The following ABR variants were observed in gnomAD, a reference collection of about 807,000 sequenced individuals.
ABR encodes active breakpoint cluster region-related protein.
A neutral mutation model predicts 107.2 loss-of-function variants in ABR; 35 were observed. That is an observed-to-expected ratio of 0.33 (90% CI 0.25 to 0.43). ABR has a LOEUF of 0.43. ABR is among the 20% of genes least tolerant of loss of function. The probability of loss-of-function intolerance (pLI) is 1.00; values close to 1 mark genes in which losing one functional copy is unlikely to be tolerated. For missense variants in ABR, 815 were observed against 1,115.2 expected (o/e 0.73, Z 3.83); for synonymous variants, 498 against 462.0 (o/e 1.08, Z -1.00).
intron 3 of ABR, among the ~76,000 whole-genome samples, chr17:1,098,427 G>C (rs2037633625): frequency 6.6e-6 from 1 of 152,104 alleles, no homozygotes; most frequent in South Asian, 2.1e-4. Flanking sequence ...CATGGGCCCG[G>C]CAATTACATA....
chr17:1,034,932 G>C (rs1307331526), intron 16 of ABR, among the ~76,000 whole-genome samples: 2 of 152,078 alleles, frequency 1.3e-5, no homozygotes, highest in Non-Finnish European at 2.9e-5. Flanking sequence ...AGGTACCACA[G>C]GCTCAATACT....
intron 1 of ABR, among the ~76,000 whole-genome samples, chr17:1,163,432 C>T (rs1232468752): frequency 3.3e-5 from 5 of 152,122 alleles, no homozygotes; most frequent in Admixed American, 6.6e-5. Context: ...ATGAGCAAGA[C>T]GCATCCAGGT....
rs750224299 is a variant in ABR at position 1,012,182 on chromosome 17, A to T, written c.1962-197T>A. 73 of 839,850 alleles carry T rather than the reference A, an allele frequency of 8.7e-5. 3 individuals carry two copies. In the Middle Eastern group the frequency reaches 7.6e-3, roughly 87 times the overall value. The allele number at this position is 839,850 out of a possible 1,614,324, so 52.0% of individuals were successfully genotyped here. On this transcript the variant is annotated intron_variant, in intron 18 of 22. Transcript: ENST00000302538. ...CCCACCCGAGGCCTGCCGAAGGGGC[A>T]TCGACGGACGTGGGCAGGAGAAGCC...
intron 16 of ABR, among the ~76,000 whole-genome samples, chr17:1,014,750 G>A (rs59339617): frequency 0.041 from 6,195 of 151,948 alleles, 174 homozygotes; most frequent in African/African-American, 0.081. Context: ...GGAGGCTGAG[G>A]CAGGAGAATG....
At chr17:1,186,571 C>T (rs945978536) in intron 1 of ABR, among the ~76,000 whole-genome samples, 16 of 152,240 alleles carry the variant, frequency 1.1e-4, no homozygotes, top group African/African-American at 3.9e-4. Context: ...GCCCCGTTCC[C>T]ATGGCCAGGG....
Position 1,091,788 on chromosome 17 carries a change from G to A in ABR, c.408C>T (p.Ile136=), listed in dbSNP as rs757313966. ...CCTGGATCTTGTAGAAGATGGTCTC[G>A]ATCTGCTGGATGGTGAGCACGGGCT... The part of the protein sequence containing the change: ...TSQPVLTIQQ[I]ETIFYKIQDI... Residue 136 remains isoleucine (I), a synonymous_variant, in exon 4 of 23, where the codon ATC becomes ATT. Coordinates refer to ENST00000302538, the MANE Select transcript of ABR (RefSeq NM_021962.5). The A allele has an allele frequency of 6.8e-6, 11 of 1,614,030 alleles. No individual in the cohort carries two copies. Among genetic ancestry groups the A allele is most frequent in the South Asian group, 6.6e-5 (6 of 91,086 alleles).
intron 2 of ABR, among the ~76,000 whole-genome samples, chr17:1,101,787 G>A (rs1357383130): frequency 1.3e-5 from 2 of 150,506 alleles, no homozygotes; most frequent in Non-Finnish European, 3.0e-5. Flanking sequence ...AGGCTAGAGT[G>A]CAGTGGCGCG....
intron 1 of ABR, among the ~76,000 whole-genome samples, chr17:1,128,498 C>A (rs1397167413): frequency 6.6e-6 from 1 of 152,230 alleles, no homozygotes; most frequent in African/African-American, 2.4e-5. Context: ...ATGGTGTGAG[C>A]CATATGATTA....
At chr17:1,201,170 C>T (rs2042664198) in intron 1 of ABR, among the ~76,000 whole-genome samples, 1 of 152,216 alleles carries the variant, frequency 6.6e-6, no homozygotes, top group Non-Finnish European at 1.5e-5. Flanking sequence ...CTGTTCACAT[C>T]AGCAATAGCT....
intron 1 of ABR, among the ~76,000 whole-genome samples, chr17:1,133,689 C>T (rs185174783): frequency 1.1e-4 from 16 of 152,300 alleles, no homozygotes; most frequent in African/African-American, 3.1e-4. Flanking sequence ...ACGGTCTCTG[C>T]GCTCTAGGGC....
At chr17:1,215,501 G>A (rs2042983145) in intron 1 of ABR, among the ~76,000 whole-genome samples, 1 of 152,186 alleles carries the variant, frequency 6.6e-6, no homozygotes, top group Non-Finnish European at 1.5e-5. Context: ...TCGGCCTCCC[G>A]AGGTGCCGGG....
intron 16 of ABR, among the ~76,000 whole-genome samples, chr17:1,049,436 G>A (rs1450852446): frequency 6.6e-6 from 1 of 152,112 alleles, no homozygotes; most frequent in Non-Finnish European, 1.5e-5. Flanking sequence ...AAGGTGCTGG[G>A]ATTACAGGCG....
upstream of ABR, among the ~76,000 whole-genome samples, chr17:1,187,999 T>G (rs528541814): frequency 1.2e-4 from 18 of 150,196 alleles, no homozygotes; most frequent in East Asian, 3.6e-3. Flanking sequence ...GCGGATCACT[T>G]GAGGTCAGGA....
At chr17:1,169,920 C>T (rs934353297) in intron 1 of ABR, among the ~76,000 whole-genome samples, 7 of 151,664 alleles carry the variant, frequency 4.6e-5, no homozygotes, top group South Asian at 2.1e-4. Context: ...CCATCCCAAC[C>T]GCCAAAGTCT....
chr17:1,072,155 A>G lies in ABR; in HGVS notation c.894+459T>C, dbSNP rs528649681. 6.4e-3 allele frequency among the ~76,000 whole-genome samples: 979 copies of G among 152,288 alleles called. 15 individuals carry two copies. The highest frequency in any genetic ancestry group is 0.022 in the African/African-American group (919 of 41,546). On this transcript the variant is annotated intron_variant, in intron 8 of 22. Coordinates refer to ENST00000302538, the MANE Select transcript of ABR (RefSeq NM_021962.5). ...CTAACTCAAGTGATCCACCTGCCTC[A>G]GCCTCCCAAAGTGCTGGGATTACAG...
chr17:1,134,710 G>T (rs1447650723), intron 1 of ABR, among the ~76,000 whole-genome samples: 1 of 152,212 alleles, frequency 6.6e-6, no homozygotes, highest in African/African-American at 2.4e-5. Context: ...ACTCGGGGAG[G>T]GGAGGTGGCT....
chr17:1,101,005 G>T (rs1460823863), intron 2 of ABR: 2 of 480,930 alleles, frequency 4.2e-6, no homozygotes, highest in Non-Finnish European at 7.6e-6. Context: ...TGTATTTTTA[G>T]TAGAGATGGG....
At chr17:1,185,326 G>C (rs761907796) in intron 1 of ABR, among the ~76,000 whole-genome samples, 9 of 152,112 alleles carry the variant, frequency 5.9e-5, no homozygotes, top group Non-Finnish European at 1.3e-4. Context: ...AGAGTTTCCA[G>C]CCTCAGTGTT....
In ABR at chr17:1,011,810, A is replaced by G. The variant is rs768781964; in HGVS notation, c.2101+36T>C. ...CCATCCCACCAGCCTGCTCAGACAC[A>G]GCCACACCTGCCCCGGCTGGGCCTC... On this transcript the variant is annotated intron_variant, in intron 19 of 22. Transcript: ENST00000302538. The surrounding 1 kb of genome is among the most constrained non-coding windows in gnomAD (Gnocchi z 4.8). The G allele has an allele frequency of 6.5e-7, 1 of 1,546,196 alleles. No homozygotes were observed. Among genetic ancestry groups the G allele is most frequent in the South Asian group, 1.2e-5 (1 of 81,318 alleles).
Sources: gnomAD v4.1 joint callset for allele counts (sites outside exome capture counted in the v4.1 genomes callset) on GRCh38, gnomAD v4.1.1 for gene constraint, Gnocchi (gnomAD v3.1) non-coding constraint, MANE v1.5 for transcripts, NCBI Gene and HGNC (gene_info 2026-07-23, HGNC 2026-07-21) for gene names.